Variants in ODAPH observed in about 807,000 individuals in gnomAD.
The protein encoded by ODAPH is odontogenesis associated phosphoprotein.
A neutral mutation model predicts 2.8 loss-of-function variants in ODAPH; 2 were observed. The observed-to-expected ratio is 0.72, with a 90% CI of 0.30 to 2.28. The LOEUF (loss-of-function observed/expected upper bound fraction) is 2.28, where lower values mean the gene tolerates loss of function less well. Among genes scored for constraint, ODAPH ranks in the 30% most tolerant of loss-of-function variants. ODAPH has a pLI of 0.13. For synonymous variants in ODAPH, 75 were observed against 60.3 expected, an observed-to-expected ratio of 1.24 and a Z score of -1.13; for missense variants, 159 against 163.3, an observed-to-expected ratio of 0.97 and a Z score of 0.14.
At chr4:75,564,047 C>A in intron 1 of ODAPH, 67 bp from the exon 2 acceptor site, 1 of 1,392,862 alleles carries the variant, frequency 7.2e-7, no homozygotes, top group South Asian at 1.2e-5. Context: ...CCTCTGCCAC[C>A]ACTCTAAACC....
chr4:75,565,406 G>A (rs888585283), downstream of ODAPH: 1 of 152,048 alleles, frequency 6.6e-6, no homozygotes, highest in Admixed American at 6.5e-5. Flanking sequence ...TCATTACATA[G>A]ATGCTGGCTA....
intron 1 of ODAPH, among the ~76,000 whole-genome samples, chr4:75,558,673 T>C (rs1385167855): frequency 6.6e-6 from 1 of 152,064 alleles, no homozygotes; most frequent in East Asian, 1.9e-4. Flanking sequence ...TTTTCTATTA[T>C]ACTCTAATTT....
At chr4:75,560,944 C>T (rs920325435) in intron 1 of ODAPH, among the ~76,000 whole-genome samples, 6 of 152,122 alleles carry the variant, frequency 3.9e-5, no homozygotes, top group African/African-American at 1.2e-4. Context: ...CTTGGCCGGG[C>T]GTGGTGGCCA....
At chr4:75,562,747 A>G (rs1346745042) in intron 1 of ODAPH, among the ~76,000 whole-genome samples, 5 of 152,138 alleles carry the variant, frequency 3.3e-5, no homozygotes, top group Admixed American at 3.3e-4. Context: ...ATTCAATGAC[A>G]CAGCCAAGGA....
chr4:75,558,645 G>A (rs1056567921), intron 1 of ODAPH, among the ~76,000 whole-genome samples: 9 of 151,976 alleles, frequency 5.9e-5, no homozygotes, highest in African/African-American at 2.2e-4. Flanking sequence ...CAAATTCCAA[G>A]CAATATTTTG....
rs770264109 is a variant in ODAPH, at chr4:75,557,680, G to T, written c.67+1531G>T. On this transcript the variant is annotated intron_variant, in intron 1 of 1. Transcript: ENST00000311623. ...CATTGAAACACCAGATTTGATTTCC[G>T]AATTTGGCTCACTTTTCCCTACAAT... Among the ~76,000 whole-genome samples the T allele has an allele frequency of 2.6e-5, 4 of 152,142 alleles. No homozygotes were observed. In the East Asian group the frequency reaches 5.8e-4, roughly 22 times the overall value.
At chr4:75,556,925 C>T (rs879479841) in intron 1 of ODAPH, among the ~76,000 whole-genome samples, 2 of 152,156 alleles carry the variant, frequency 1.3e-5, no homozygotes, top group Admixed American at 1.3e-4. Flanking sequence ...AGGAGTCAAA[C>T]AGAGCACTTC....
At chr4:75,561,972 T>C (rs1277498783) in intron 1 of ODAPH, among the ~76,000 whole-genome samples, 1 of 152,196 alleles carries the variant, frequency 6.6e-6, no homozygotes, top group Non-Finnish European at 1.5e-5. Flanking sequence ...CAGACTGGCT[T>C]CTCTGCATTC....
Position 75,564,813 on chromosome 4 carries a change from C to T in ODAPH, c.*374C>T. The T allele has an allele frequency of 2.5e-6, 1 of 405,212 alleles. No individual in the cohort carries two copies. Among genetic ancestry groups the T allele is most frequent in the Non-Finnish European group, 4.5e-6 (1 of 222,848 alleles). 25.1% of individuals were successfully genotyped at this position (405,212 alleles called of 1,614,324 possible). ...TTAAATAAATTGAGATCATTATAAA[C>T]CACACGAAGAAACTGATGACACCGT... is the stretch of plus-strand genomic sequence containing the variant. On this transcript the variant is annotated 3_prime_UTR_variant, in exon 2 of 2. Transcript: ENST00000311623.
chr4:75,564,116 CAAG>C lies in ODAPH; in HGVS notation c.75_77del (p.Glu26del). The C allele has an allele frequency of 1.2e-6, 2 of 1,614,140 alleles. No individual in the cohort carries two copies. Among genetic ancestry groups the C allele is most frequent in the Non-Finnish European group, 1.7e-6 (2 of 1,179,976 alleles). ...GACTTGCGTTTTCCTCTCCACAGGA[CAAG>C]AAGAGGTATTTACGCCTCCTGGAGA... On this transcript the variant is annotated inframe_deletion, in exon 2 of 2. Transcript: ENST00000311623.
At chr4:75,560,681 GA>G (rs1481776886) in intron 1 of ODAPH, among the ~76,000 whole-genome samples, 2 of 152,212 alleles carry the variant, frequency 1.3e-5, no homozygotes, top group Non-Finnish European at 2.9e-5. Context: ...AAAATTCCCA[GA>G]AAAAGAGAGC....
At chr4:75,557,410 T>C (rs1393873066) in intron 1 of ODAPH, among the ~76,000 whole-genome samples, 1 of 152,058 alleles carries the variant, frequency 6.6e-6, no homozygotes, top group Non-Finnish European at 1.5e-5. Context: ...GAGGCCGAGG[T>C]GGGCAGATCA....
chr4:75,556,325 C>A (rs970868195), intron 1 of ODAPH, among the ~76,000 whole-genome samples, 176 bp downstream of exon 1: 2 of 152,160 alleles, frequency 1.3e-5, no homozygotes, highest in African/African-American at 4.8e-5. Context: ...GACCTTGGTC[C>A]TCGTCTCAGC....
At chr4:75,564,830 T>C, downstream of ODAPH, 1 of 370,246 alleles carries the variant, frequency 2.7e-6, no homozygotes, top group Admixed American at 4.6e-5. Flanking sequence ...AAGAAACTGA[T>C]GACACCGTTT....
rs774723585 is a variant in ODAPH, at chr4:75,558,586, C to T, written c.67+2437C>T. Among the ~76,000 whole-genome samples the T allele has an allele frequency of 3.2e-4, 48 of 151,628 alleles. 1 individual carries two copies. Among genetic ancestry groups the T allele is most frequent in the Non-Finnish European group, 4.3e-4 (29 of 67,950 alleles). On this transcript the variant is annotated intron_variant, in intron 1 of 1. Transcript: ENST00000311623. ...TGTTTTTAAAGTAGTTGTTGGTATG[C>T]TGTGAATTTCATGTCTAGACTATAA... is the stretch of plus-strand genomic sequence containing the variant.
At chr4:75,557,131 G>A (rs913802832) in intron 1 of ODAPH, among the ~76,000 whole-genome samples, 1 of 152,132 alleles carries the variant, frequency 6.6e-6, no homozygotes, top group Admixed American at 6.5e-5. Flanking sequence ...TCAGGGGACA[G>A]GGCATAGATT....
chr4:75,565,431 C>T (rs1727774150), downstream of ODAPH: 1 of 152,148 alleles, frequency 6.6e-6, no homozygotes, highest in Admixed American at 6.5e-5. Flanking sequence ...AATATACTTC[C>T]TCTCAAACTT....
chr4:75,561,223 CAAAA>C (rs35040152), intron 1 of ODAPH, among the ~76,000 whole-genome samples: 1 of 62,700 alleles, frequency 1.6e-5, no homozygotes, highest in Non-Finnish European at 2.9e-5. Context: ...AACTCAATCT[CAAAA>C]AAAAAAAAAA....
At chr4:75,563,894 C>T (rs1727699816) in intron 1 of ODAPH, among the ~76,000 whole-genome samples, 1 of 152,192 alleles carries the variant, frequency 6.6e-6, no homozygotes. Context: ...TTTTTATAGA[C>T]ATAATCATTC....
Sources: gnomAD v4.1 joint callset for allele counts (sites outside exome capture counted in the v4.1 genomes callset) on GRCh38, gnomAD v4.1.1 for gene constraint, MANE v1.5 for transcripts, NCBI Gene and HGNC (gene_info 2026-07-23, HGNC 2026-07-21) for gene names.